RTF1: variants seen among roughly 807,000 people sequenced by gnomAD.
The protein encoded by RTF1 is RNA polymerase-associated protein RTF1 homolog.
In RTF1, 10 loss-of-function variants were observed where a neutral mutation model predicts 95.7. The ratio of observed to expected loss-of-function variants is 0.10; its 90% CI spans 0.06 to 0.18. RTF1 has a LOEUF of 0.18. Ranked by LOEUF, RTF1 falls within the 10% of genes least tolerant of loss-of-function variation. The probability of loss-of-function intolerance (pLI) is 1.00; values close to 1 mark genes in which losing one functional copy is unlikely to be tolerated. For missense variants in RTF1, 458 were observed against 875.6 expected, an observed-to-expected ratio of 0.52 and a Z score of 6.02; for synonymous variants, 305 against 311.8, an observed-to-expected ratio of 0.98 and a Z score of 0.23.
In RTF1 at chr15:41,475,550, C is replaced by T. The variant is rs1199807091; in HGVS notation, c.1312C>T (p.Arg438Cys). Residue 438 changes from arginine to cysteine, a missense_variant, in exon 10 of 18, where the codon CGT becomes TGT. Arg to Cys is a radical substitution (Grantham distance 180). This residue lies in a region of RTF1 where 150 missense variants were observed against 275.7 expected (regional missense o/e 0.54). Coordinates refer to ENST00000389629, the MANE Select transcript of RTF1 (RefSeq NM_015138.5). ...LRHGNDQRVFRLEFVSNQEFT... is the reference protein window; with the variant it reads ...LRHGNDQRVFCLEFVSNQEFT... ...GCATGGCAATGACCAACGCGTGTTC[C>T]GTTTAGAGTTTGTCTCAAACCAAGA... is the stretch of plus-strand genomic sequence containing the variant. The T allele has an allele frequency of 4.3e-6, 7 of 1,613,980 alleles. No individual in the cohort carries two copies. The highest frequency in any genetic ancestry group is 3.3e-5 in the Admixed American group (2 of 59,990).
At chr15:41,441,944 G>A (rs983529030) in intron 2 of RTF1, among the ~76,000 whole-genome samples, 1 of 152,080 alleles carries the variant, frequency 6.6e-6, no homozygotes, top group Non-Finnish European at 1.5e-5. Context: ...AGCTTAGCAC[G>A]AGCACCTCTG....
intron 2 of RTF1, among the ~76,000 whole-genome samples, chr15:41,451,760 C>T (rs139337169): frequency 6.6e-6 from 1 of 152,122 alleles, no homozygotes; most frequent in African/African-American, 2.4e-5. Context: ...TTCCTGAGAC[C>T]CACCCCAGAA....
intron 1 of RTF1, among the ~76,000 whole-genome samples, chr15:41,420,738 C>A (rs62001419): frequency 0.038 from 5,844 of 152,058 alleles, 163 homozygotes; most frequent in Middle Eastern, 0.085. Flanking sequence ...GCTGGTTTTT[C>A]CTGGTGGTAG....
intron 17 of RTF1, 100 bp from the exon 18 acceptor site, chr15:41,480,481 G>A: frequency 2.0e-6 from 2 of 1,001,432 alleles, no homozygotes; most frequent in Non-Finnish European, 3.1e-6. Flanking sequence ...ATGGTGAGAG[G>A]GAACAGGGCC....
intron 8 of RTF1, among the ~76,000 whole-genome samples, chr15:41,472,581 C>G (rs981246420): frequency 6.6e-6 from 1 of 151,968 alleles, no homozygotes; most frequent in East Asian, 1.9e-4. Flanking sequence ...TGCAGTGGCA[C>G]GCTCTTGGCT....
At chr15:41,443,048 C>T (rs1273203441) in intron 2 of RTF1, among the ~76,000 whole-genome samples, 1 of 152,016 alleles carries the variant, frequency 6.6e-6, no homozygotes, top group African/African-American at 2.4e-5. Context: ...ACGTTTGTCC[C>T]CTCAGATTTG....
At chr15:41,456,959 C>A (rs1227539192) in intron 3 of RTF1, among the ~76,000 whole-genome samples, 1 of 152,024 alleles carries the variant, frequency 6.6e-6, no homozygotes. Flanking sequence ...TGGCGTGCAC[C>A]TGTAGTCCCA....
Position 41,417,141 on chromosome 15 carries a change from G to C in RTF1, c.26G>C (p.Arg9Pro), listed in dbSNP as rs1395564368. Reference protein sequence around the residue: MRGRLCVGRAAAAAAAVAV... With the variant: MRGRLCVGPAAAAAAAVAV... ...ATGCGCGGTCGCCTTTGTGTGGGTC[G>C]AGCAGCGGCGGCGGCGGCGGCAGTG... The change falls in exon 1 of 18, where the codon CGA (arginine) becomes CCA (proline). Residue 9 changes from arginine (R) to proline (P), a missense_variant. By Grantham distance (103) the Arg-to-Pro change is moderately radical. Transcript: ENST00000389629. The C allele has an allele frequency of 1.0e-5, 13 of 1,257,098 alleles. No individual in the cohort carries two copies. Among genetic ancestry groups the C allele is most frequent in the Non-Finnish European group, 1.3e-5 (13 of 996,910 alleles). 77.9% of individuals were successfully genotyped at this position (1,257,098 alleles called of 1,614,324 possible).
chr15:41,450,276 TAAG>T (rs1350034995), intron 2 of RTF1, among the ~76,000 whole-genome samples: 2 of 152,124 alleles, frequency 1.3e-5, no homozygotes, highest in Non-Finnish European at 2.9e-5. Context: ...CTGTAAGATA[TAAG>T]AAGTTTTAGG....
intron 1 of RTF1, among the ~76,000 whole-genome samples, chr15:41,437,488 T>A (rs1416903003): frequency 6.6e-6 from 1 of 152,002 alleles, no homozygotes; most frequent in African/African-American, 2.4e-5. Flanking sequence ...ACAGCGAGAC[T>A]CTGTCTCAAA....
chr15:41,435,422 A>G (rs1450844466), intron 1 of RTF1, among the ~76,000 whole-genome samples: 3 of 151,068 alleles, frequency 2.0e-5, no homozygotes, highest in Non-Finnish European at 4.4e-5. Context: ...CAAGCCTCCT[A>G]CCTTGGCCTC....
chr15:41,433,605 G>C (rs2050686769), intron 1 of RTF1, among the ~76,000 whole-genome samples: 3 of 151,914 alleles, frequency 2.0e-5, no homozygotes, highest in African/African-American at 7.3e-5. Flanking sequence ...ACAAACGTGA[G>C]CCACTGCACC....
chr15:41,452,241 G>T (rs573196482), intron 2 of RTF1, among the ~76,000 whole-genome samples: 108 of 152,182 alleles, frequency 7.1e-4, no homozygotes, highest in African/African-American at 2.3e-3. Flanking sequence ...TTTAAGACCA[G>T]CCTGGGAAAC....
chr15:41,443,993 G>A lies in RTF1; in HGVS notation c.309+5562G>A, dbSNP rs572326939. Among the ~76,000 whole-genome samples the A allele has an allele frequency of 1.2e-3, 181 of 151,706 alleles. 2 individuals are homozygous for A. In the South Asian group the frequency reaches 0.015, roughly 13 times the overall value. On this transcript the variant is annotated intron_variant, in intron 2 of 17. Transcript: ENST00000389629. ...TGAGGCAGGAGAATGGCGTGAACCC[G>A]GGGGGCAGAGCTTGCAGTGAGCCGA...
At chr15:41,461,925 T>C (rs1023491262) in intron 4 of RTF1, among the ~76,000 whole-genome samples, 21 of 151,060 alleles carry the variant, frequency 1.4e-4, no homozygotes, top group African/African-American at 5.1e-4. Flanking sequence ...TTTTTCTTTT[T>C]TTTTTTTTTT....
chr15:41,471,083 G>A (rs2050909191), intron 7 of RTF1, 89 bp from the exon 8 acceptor site: 1 of 1,251,196 alleles, frequency 8.0e-7, no homozygotes, highest in Admixed American at 2.3e-5. Flanking sequence ...CATGTACTTT[G>A]GTTAAGTTTT....
At chr15:41,445,141 TAG>T (rs2050754462) in intron 2 of RTF1, among the ~76,000 whole-genome samples, 2 of 152,028 alleles carry the variant, frequency 1.3e-5, no homozygotes, top group South Asian at 4.2e-4. Context: ...TTCTCTGTGT[TAG>T]CCAGGATGGT....
chr15:41,431,860 G>T (rs753862634), intron 1 of RTF1, among the ~76,000 whole-genome samples: 2 of 151,910 alleles, frequency 1.3e-5, no homozygotes, highest in Middle Eastern at 6.8e-3. Context: ...GAGTGCAGTG[G>T]CACGATCTTG....
chr15:41,475,817 G>A lies in RTF1; in HGVS notation c.1480G>A (p.Glu494Lys). ...NYKFNDQDIE[E>K]IVKEKERFRK... ...TAAATTCAATGATCAGGACATTGAAGAGGTAAGAAAACTGGTGCCCCAGAA... is the reference window on the plus strand; with the variant it reads ...TAAATTCAATGATCAGGACATTGAAAAGGTAAGAAAACTGGTGCCCCAGAA... Residue 494 changes from glutamate to lysine, a missense_variant and splice_region_variant, in exon 11 of 18, where the codon GAG (glutamate) becomes AAG (lysine). By Grantham distance (56) the Glu-to-Lys change is moderately conservative. Around this residue, in one of 11 missense-constraint regions of RTF1, gnomAD observed 150 missense variants for 275.7 expected, o/e 0.54. Transcript: ENST00000389629. The A allele has an allele frequency of 6.6e-7, 1 of 1,519,154 alleles. No individual in the cohort carries two copies. Among genetic ancestry groups the A allele is most frequent in the South Asian group, 1.2e-5 (1 of 86,290 alleles). The allele number at this position is 1,519,154 out of a possible 1,614,324, so 94.1% of individuals were successfully genotyped here. A position where few individuals can be genotyped will look rare whatever the true frequency, so the allele number is the denominator to read the frequency against.
Sources: allele counts gnomAD v4.1 joint callset (sites outside exome capture counted in the v4.1 genomes callset), GRCh38; gene constraint gnomAD v4.1.1; regional missense constraint gnomAD v4.1.1; transcripts MANE v1.5; gene names NCBI Gene and HGNC (gene_info 2026-07-23, HGNC 2026-07-21).